TMEM132D: variants seen among roughly 807,000 people sequenced by gnomAD.
TMEM132D encodes the protein mature OL transmembrane protein.
Under a neutral mutation model 62.3 loss-of-function variants are expected in TMEM132D, and 21 were observed. The ratio of observed to expected loss-of-function variants is 0.34; its 90% CI spans 0.24 to 0.49. The LOEUF is 0.49. TMEM132D is among the 20% of genes least tolerant of loss of function. TMEM132D has a pLI of 0.99. For missense variants in TMEM132D, 1,346 were observed against 1,402.8 expected (o/e 0.96, Z 0.65); for synonymous variants, 621 against 575.6 (o/e 1.08, Z -1.13).
intron 5 of TMEM132D, among the ~76,000 whole-genome samples, chr12:129,120,036 A>T (rs1460949551): frequency 2.6e-5 from 4 of 151,560 alleles, no homozygotes; most frequent in Admixed American, 1.3e-4. Flanking sequence ...GAGAAATAAT[A>T]AAAAAAAGAC....
At chr12:129,174,230 C>T (rs1171877654) in intron 5 of TMEM132D, among the ~76,000 whole-genome samples, 1 of 152,126 alleles carries the variant, frequency 6.6e-6, no homozygotes, top group Non-Finnish European at 1.5e-5. Flanking sequence ...ACTCCCCTTG[C>T]CCCCCACCCC....
intron 4 of TMEM132D, among the ~76,000 whole-genome samples, chr12:129,236,805 G>T (rs570003439): frequency 6.6e-6 from 1 of 152,054 alleles, no homozygotes; most frequent in East Asian, 1.9e-4. Context: ...TCTTGTTCCT[G>T]ATTTTAGAGG....
intron 2 of TMEM132D, among the ~76,000 whole-genome samples, chr12:129,567,704 T>C (rs895811499): frequency 1.6e-4 from 24 of 152,190 alleles, no homozygotes; most frequent in African/African-American, 5.8e-4. Flanking sequence ...AATTACATCA[T>C]TTATGTTACC....
intron 2 of TMEM132D, among the ~76,000 whole-genome samples, chr12:129,646,376 G>C (rs1879777971): frequency 6.6e-6 from 1 of 152,144 alleles, no homozygotes; most frequent in Non-Finnish European, 1.5e-5. Context: ...TCACCAGTCT[G>C]ACTCCTAACC....
At chr12:129,760,615 G>A (rs1408123836) in intron 1 of TMEM132D, among the ~76,000 whole-genome samples, 1 of 150,382 alleles carries the variant, frequency 6.6e-6, no homozygotes. Flanking sequence ...CTGAAGTACT[G>A]GGATTACAGG....
intron 3 of TMEM132D, among the ~76,000 whole-genome samples, chr12:129,390,767 C>T (rs1871270229): frequency 6.6e-6 from 1 of 152,164 alleles, no homozygotes; most frequent in South Asian, 2.1e-4. Context: ...TGATTAACCC[C>T]CTCCATCCCA....
intron 4 of TMEM132D, among the ~76,000 whole-genome samples, chr12:129,244,765 C>T (rs139887647): frequency 2.6e-5 from 4 of 152,104 alleles, no homozygotes; most frequent in Admixed American, 6.5e-5. Flanking sequence ...CTCAGCCTCC[C>T]GAGTACCTCG....
At chr12:129,336,961 GTC>G (rs1869303085) in intron 4 of TMEM132D, among the ~76,000 whole-genome samples, 1 of 152,156 alleles carries the variant, frequency 6.6e-6, no homozygotes, top group South Asian at 2.1e-4. Context: ...GGGCACGGCC[GTC>G]TCACACAAAA....
rs1274292000 is a variant in TMEM132D, at chr12:129,802,990, TA to T, written c.79+100270del. On this transcript the variant is annotated intron_variant, in intron 1 of 8. Transcript: ENST00000422113. ...GATCAATTCAACAAGAAGAGCTAAC[TA>T]TCCTAAATATATATGCACCCAATAC... Among the ~76,000 whole-genome samples the T allele has an allele frequency of 4.6e-5, 7 of 150,778 alleles. No individual in the cohort carries two copies. In the East Asian group the frequency reaches 1.4e-3, roughly 30 times the overall value.
intron 3 of TMEM132D, among the ~76,000 whole-genome samples, chr12:129,472,950 C>T (rs1349061426): frequency 6.6e-6 from 1 of 152,072 alleles, no homozygotes; most frequent in African/African-American, 2.4e-5. Context: ...CTGCAACCTC[C>T]TCCTCTTGGG....
At chr12:129,205,132 A>G (rs537224598) in intron 5 of TMEM132D, among the ~76,000 whole-genome samples, 1 of 152,178 alleles carries the variant, frequency 6.6e-6, no homozygotes, top group East Asian at 1.9e-4. Flanking sequence ...TATGGCTAAC[A>G]ACATGAAGAC....
chr12:129,157,846 A>G (rs150951605), intron 5 of TMEM132D, among the ~76,000 whole-genome samples: 220 of 152,310 alleles, frequency 1.4e-3, no homozygotes, highest in African/African-American at 4.9e-3. Flanking sequence ...GCAGCTGTCA[A>G]TCCACTTGCT....
At chr12:129,694,099 T>C (rs1881135368) in intron 2 of TMEM132D, among the ~76,000 whole-genome samples, 1 of 152,228 alleles carries the variant, frequency 6.6e-6, no homozygotes, top group African/African-American at 2.4e-5. Flanking sequence ...CTATGGTGCA[T>C]TTCCTTTGCT....
chr12:129,655,006 G>A (rs1307648336), intron 2 of TMEM132D, among the ~76,000 whole-genome samples: 9 of 151,658 alleles, frequency 5.9e-5, no homozygotes, highest in African/African-American at 1.9e-4. Flanking sequence ...GGAGTGCAGT[G>A]GCACGATCTC....
At chr12:129,395,310 A>G (rs577619756) in intron 3 of TMEM132D, among the ~76,000 whole-genome samples, 60 of 152,290 alleles carry the variant, frequency 3.9e-4, no homozygotes, top group African/African-American at 1.2e-3. Context: ...TCAGTATTTG[A>G]TAAAACAGAA....
intron 5 of TMEM132D, among the ~76,000 whole-genome samples, chr12:129,166,682 T>TATATACCCACACACACACACAC (rs1368396060): frequency 1.7e-5 from 1 of 59,790 alleles, no homozygotes; most frequent in African/African-American, 5.1e-5. Flanking sequence ...GACATATATA[T>TATATACCCACACACACACACAC]ACACATACAC....
At chr12:129,296,981 A>G (rs952280245) in intron 4 of TMEM132D, among the ~76,000 whole-genome samples, 15 of 152,112 alleles carry the variant, frequency 9.9e-5, no homozygotes, top group Non-Finnish European at 2.2e-4. Context: ...TCCATTTTTC[A>G]ATTGGTCAGT....
chr12:129,885,643 T>A (rs1248212058), intron 1 of TMEM132D, among the ~76,000 whole-genome samples: 2 of 152,230 alleles, frequency 1.3e-5, no homozygotes, highest in Non-Finnish European at 2.9e-5. Flanking sequence ...AGAACACTTT[T>A]TAAACTCTGT....
chr12:129,586,057 G>C (rs1421798521), intron 2 of TMEM132D, among the ~76,000 whole-genome samples: 1 of 150,570 alleles, frequency 6.6e-6, no homozygotes, highest in East Asian at 1.9e-4. Context: ...AAAATAGAGG[G>C]TCTAGCAGCA....
Sources: allele counts gnomAD v4.1 joint callset (sites outside exome capture counted in the v4.1 genomes callset), GRCh38; gene constraint gnomAD v4.1.1; transcripts MANE v1.5; gene names NCBI Gene and HGNC (gene_info 2026-07-23, HGNC 2026-07-21).